The following ZNF475 variants were observed in gnomAD, a reference collection of about 807,000 sequenced individuals.
ZNF475 encodes zinc finger protein 475.
At chr5:122,166,462 A>G in the ZNF475 span, among the ~76,000 whole-genome samples, 2 of 152,130 alleles carry the variant, frequency 1.3e-5, no homozygotes, top group South Asian at 4.1e-4. Context: ...CGTCATTTAT[A>G]TTAGGTATAT....
the ZNF475 span, among the ~76,000 whole-genome samples, chr5:122,164,833 C>G: frequency 6.6e-6 from 1 of 152,140 alleles, no homozygotes; most frequent in Admixed American, 6.5e-5. Context: ...CCCTTCTCAC[C>G]CTGCCTCTGT....
chr5:122,162,264 C>G, the ZNF475 span: 1 of 152,234 alleles, frequency 6.6e-6, no homozygotes, highest in Non-Finnish European at 1.5e-5. Context: ...AAGTAACAGA[C>G]TCTTTTATGG....
the ZNF475 span, among the ~76,000 whole-genome samples, chr5:122,177,094 G>A: frequency 1.3e-5 from 2 of 152,200 alleles, no homozygotes. Flanking sequence ...AGCCTAGATA[G>A]TGTGTTAACA....
chr5:122,170,602 G>A, the ZNF475 span, among the ~76,000 whole-genome samples: 1 of 152,132 alleles, frequency 6.6e-6, no homozygotes. Flanking sequence ...CAATGGATTT[G>A]CCAACATGGA....
At chr5:122,182,609 C>A in the ZNF475 span, 1 of 1,535,422 alleles carries the variant, frequency 6.5e-7, no homozygotes, top group Non-Finnish European at 8.7e-7. Flanking sequence ...TGATTGTTCA[C>A]CAACGATCTT....
chr5:122,182,613 C>T, the ZNF475 span: 26 of 1,535,320 alleles, frequency 1.7e-5, no homozygotes, highest in South Asian at 2.4e-4. Context: ...TGTTCACCAA[C>T]GATCTTGTAA....
chr5:122,180,732 CT>C, the ZNF475 span, among the ~76,000 whole-genome samples: 6 of 152,126 alleles, frequency 3.9e-5, no homozygotes, highest in Non-Finnish European at 8.8e-5. Flanking sequence ...GTCCAAAGCA[CT>C]TGTGTCAGAG....
At chr5:122,167,977 C>G in the ZNF475 span, among the ~76,000 whole-genome samples, 6,053 of 152,240 alleles carry the variant, frequency 0.04, 400 homozygotes, top group African/African-American at 0.14. Context: ...CAGTAATAGA[C>G]CATTGAATGA....
the ZNF475 span, among the ~76,000 whole-genome samples, chr5:122,181,334 G>A: frequency 1.5e-4 from 23 of 152,326 alleles, no homozygotes; most frequent in Non-Finnish European, 2.6e-4. Context: ...CTTCAAGTGA[G>A]AGTCAGTGAC....
chr5:122,179,345 T>C, the ZNF475 span, among the ~76,000 whole-genome samples: 2 of 152,246 alleles, frequency 1.3e-5, no homozygotes, highest in African/African-American at 4.8e-5. Context: ...ATGGCCGTTT[T>C]CACGATATTG....
chr5:122,163,566 A>G, the ZNF475 span, among the ~76,000 whole-genome samples: 1 of 152,222 alleles, frequency 6.6e-6, no homozygotes, highest in Admixed American at 6.5e-5. Flanking sequence ...GGAGTGTGGA[A>G]AATCTAAAAC....
At chr5:122,175,350 A>G in the ZNF475 span, among the ~76,000 whole-genome samples, 1 of 152,200 alleles carries the variant, frequency 6.6e-6, no homozygotes, top group Non-Finnish European at 1.5e-5. Context: ...ACATTAACCA[A>G]GTTTTATTTC....
At chr5:122,172,040 C>T in the ZNF475 span, among the ~76,000 whole-genome samples, 1 of 152,192 alleles carries the variant, frequency 6.6e-6, no homozygotes, top group Non-Finnish European at 1.5e-5. Context: ...CCACTGGGCA[C>T]AGCCTCTACA....
the ZNF475 span, among the ~76,000 whole-genome samples, chr5:122,173,993 A>G: frequency 6.6e-6 from 1 of 152,192 alleles, no homozygotes; most frequent in Admixed American, 6.5e-5. Context: ...CCTTTCTTGG[A>G]TAACGCTTTC....
chr5:122,178,508 T>C, the ZNF475 span, among the ~76,000 whole-genome samples: 2 of 152,378 alleles, frequency 1.3e-5, no homozygotes, highest in Middle Eastern at 3.4e-3. Flanking sequence ...TTTTTTCATA[T>C]GTTTTTGGGC....
chr5:122,163,398 C>T, the ZNF475 span: 1 of 152,176 alleles, frequency 6.6e-6, no homozygotes, highest in African/African-American at 2.4e-5. Flanking sequence ...TTGCAACATA[C>T]ACAAGGATTT....
chr5:122,163,297 A>G, the ZNF475 span: 1 of 152,244 alleles, frequency 6.6e-6, no homozygotes, highest in South Asian at 2.1e-4. Flanking sequence ...CAAATGAAAT[A>G]AAGCATGTAA....
At chr5:122,180,876 C>G in the ZNF475 span, among the ~76,000 whole-genome samples, 3 of 152,294 alleles carry the variant, frequency 2.0e-5, no homozygotes, top group Middle Eastern at 6.8e-3. Context: ...GGTGGGAAAA[C>G]AGCTAAAGAT....
At chr5:122,168,392 T>C in the ZNF475 span, among the ~76,000 whole-genome samples, 1 of 152,188 alleles carries the variant, frequency 6.6e-6, no homozygotes, top group African/African-American at 2.4e-5. Flanking sequence ...CAGAACCAAT[T>C]TGCATTTCTC....
Sources: allele counts gnomAD v4.1 joint callset (sites outside exome capture counted in the v4.1 genomes callset), GRCh38; gene constraint gnomAD v4.1.1; transcripts MANE v1.5; gene names NCBI Gene and HGNC (gene_info 2026-07-23, HGNC 2026-07-21).